PLCB1: variants seen among roughly 807,000 people sequenced by gnomAD.
The protein encoded by PLCB1 is 1-phosphatidylinositol 4,5-bisphosphate phosphodiesterase beta-1.
In PLCB1, 46 loss-of-function variants were observed where a neutral mutation model predicts 161.8. The observed-to-expected ratio is 0.28, with a 90% confidence interval of 0.22 to 0.36. The LOEUF is 0.36. Ranked by LOEUF, PLCB1 falls within the 10% of genes least tolerant of loss-of-function variation. The probability of loss-of-function intolerance (pLI) is 1.00; values close to 1 mark genes in which losing one functional copy is unlikely to be tolerated. For missense variants in PLCB1, 1,016 were observed against 1,472.5 expected (o/e 0.69, Z 5.07); for synonymous variants, 517 against 503.7 (o/e 1.03, Z -0.35).
intron 3 of PLCB1, among the ~76,000 whole-genome samples, chr20:8,626,383 A>T (rs1988348576): frequency 6.6e-6 from 1 of 152,116 alleles, no homozygotes; most frequent in African/African-American, 2.4e-5. Flanking sequence ...GGATGATTCA[A>T]GAGAATCCCT....
At chr20:8,373,188 G>A (rs1004871127) in intron 3 of PLCB1, among the ~76,000 whole-genome samples, 2 of 152,148 alleles carry the variant, frequency 1.3e-5, no homozygotes, top group African/African-American at 4.8e-5. Flanking sequence ...TTCTCCATCA[G>A]CTCTTTCTTG....
At chr20:8,387,256 C>G (rs1028723263) in intron 3 of PLCB1, among the ~76,000 whole-genome samples, 1 of 152,130 alleles carries the variant, frequency 6.6e-6, no homozygotes, top group Non-Finnish European at 1.5e-5. Flanking sequence ...TAGCTTTTGA[C>G]TTAAAGTGAA....
At chr20:8,719,131 G>T (rs1033027393) in intron 14 of PLCB1, among the ~76,000 whole-genome samples, 1 of 152,106 alleles carries the variant, frequency 6.6e-6, no homozygotes, top group Non-Finnish European at 1.5e-5. Context: ...TCTGAAAATC[G>T]CATTATAGAC....
At chr20:8,767,933 C>G (rs530153129) in intron 26 of PLCB1, among the ~76,000 whole-genome samples, 1 of 152,260 alleles carries the variant, frequency 6.6e-6, no homozygotes, top group South Asian at 2.1e-4. Flanking sequence ...CCTGTAATCC[C>G]AGCACTTTGG....
chr20:8,135,547 C>G (rs1374136697), intron 1 of PLCB1, among the ~76,000 whole-genome samples: 2 of 152,112 alleles, frequency 1.3e-5, no homozygotes, highest in African/African-American at 4.8e-5. Flanking sequence ...CCTGGAGATA[C>G]CCTGTTGTAC....
intron 3 of PLCB1, among the ~76,000 whole-genome samples, chr20:8,622,255 GAAA>G (rs564055950): frequency 1.7e-5 from 2 of 116,516 alleles, no homozygotes; most frequent in Non-Finnish European, 1.8e-5. Context: ...TCTGCCTCAG[GAAA>G]AAAAAAAAAA....
At chr20:8,172,164 G>C (rs528362272) in intron 2 of PLCB1, among the ~76,000 whole-genome samples, 24 of 152,242 alleles carry the variant, frequency 1.6e-4, no homozygotes, top group Non-Finnish European at 2.1e-4. Context: ...CTCTGTGTCA[G>C]ATATATTATA....
intron 2 of PLCB1, among the ~76,000 whole-genome samples, chr20:8,203,145 T>A (rs529731745): frequency 9.2e-5 from 14 of 151,810 alleles, no homozygotes; most frequent in African/African-American, 3.1e-4. Flanking sequence ...GCATGGAGGA[T>A]CATTTGGAAG....
At chr20:8,177,580 CCT>C (rs1440229177) in intron 2 of PLCB1, among the ~76,000 whole-genome samples, 2 of 151,924 alleles carry the variant, frequency 1.3e-5, no homozygotes, top group African/African-American at 4.8e-5. Context: ...GCAACTTCAC[CCT>C]CTGTTTATGA....
intron 3 of PLCB1, among the ~76,000 whole-genome samples, chr20:8,619,013 T>TA (rs1438258382): frequency 6.6e-6 from 1 of 152,174 alleles, no homozygotes; most frequent in African/African-American, 2.4e-5. Flanking sequence ...TTTCAGCAAA[T>TA]ACGTATTCAC....
chr20:8,231,895 C>T (rs1980060291), intron 2 of PLCB1, among the ~76,000 whole-genome samples: 1 of 152,078 alleles, frequency 6.6e-6, no homozygotes. Flanking sequence ...GTTTTATTAG[C>T]TATTTTATAT....
chr20:8,744,424 G>T (rs1490849153), intron 23 of PLCB1, among the ~76,000 whole-genome samples: 3 of 151,770 alleles, frequency 2.0e-5, no homozygotes, highest in Non-Finnish European at 4.4e-5. Flanking sequence ...ACATGTTCTT[G>T]TGAGTGAGCT....
At chr20:8,769,425 A>G (rs1203138213) in intron 26 of PLCB1, among the ~76,000 whole-genome samples, 1 of 152,102 alleles carries the variant, frequency 6.6e-6, no homozygotes, top group Non-Finnish European at 1.5e-5. Flanking sequence ...AAGAAGTGAA[A>G]AAAAGCCTTT....
chr20:8,699,750 TA>T (rs1282754923), intron 11 of PLCB1, among the ~76,000 whole-genome samples: 1 of 152,216 alleles, frequency 6.6e-6, no homozygotes, highest in African/African-American at 2.4e-5. Context: ...CATTCACACC[TA>T]AAAATATGTG....
intron 3 of PLCB1, among the ~76,000 whole-genome samples, chr20:8,430,207 T>C (rs1338643604): frequency 6.6e-6 from 1 of 151,838 alleles, no homozygotes; most frequent in Non-Finnish European, 1.5e-5. Context: ...TGAGTTACAT[T>C]AGCAAAAAAA....
chr20:8,371,678 G>T, intron 3 of PLCB1: 9 of 369,760 alleles, frequency 2.4e-5, no homozygotes, highest in East Asian at 1.2e-4. Flanking sequence ...TTTTGCCTTT[G>T]TTTGAAAAAA....
intron 9 of PLCB1, among the ~76,000 whole-genome samples, chr20:8,660,254 G>T (rs1989585375): frequency 6.6e-6 from 1 of 152,002 alleles, no homozygotes. Context: ...TAAATAGGTT[G>T]CCCTTCCTTC....
chr20:8,882,154 TGTC>T lies in PLCB1; in HGVS notation c.*306_*308del. On this transcript the variant is annotated 3_prime_UTR_variant, in exon 32 of 32. Coordinates refer to ENST00000338037, the MANE Select transcript of PLCB1 (RefSeq NM_015192.4). ...CCATGGAACTTTTAATGAAGGACAG[TGTC>T]TTCTTTGAAGAAAATCAAGCTCGTG... The T allele has an allele frequency of 3.5e-6, 1 of 287,208 alleles. No individual in the cohort carries two copies. The highest frequency in any genetic ancestry group is 6.5e-6 in the Non-Finnish European group (1 of 152,718). The allele number at this position is 287,208 out of a possible 1,614,324, so 17.8% of individuals were successfully genotyped here.
At chr20:8,854,486 C>CTCTGGTAGAA (rs1986999806) in intron 31 of PLCB1, among the ~76,000 whole-genome samples, 1 of 152,180 alleles carries the variant, frequency 6.6e-6, no homozygotes, top group East Asian at 1.9e-4. Flanking sequence ...CCTCTTCTCC[C>CTCTGGTAGAA]GGGTCCAGGC....
Sources: allele counts gnomAD v4.1 joint callset (sites outside exome capture counted in the v4.1 genomes callset), GRCh38; gene constraint gnomAD v4.1.1; transcripts MANE v1.5; gene names NCBI Gene and HGNC (gene_info 2026-07-23, HGNC 2026-07-21).